ATP10D: variants seen among roughly 807,000 people sequenced by gnomAD.
ATP10D encodes ATPase phospholipid transporting 10D (putative).
Under a neutral mutation model 144.8 loss-of-function variants are expected in ATP10D, and 89 were observed. That is an observed-to-expected ratio of 0.61 (90% CI 0.52 to 0.73). The LOEUF (loss-of-function observed/expected upper bound fraction) is 0.73, where lower values mean the gene tolerates loss of function less well. ATP10D is among the 30% of genes least tolerant of loss of function. ATP10D has a pLI of 0.00. For synonymous variants in ATP10D, 571 were observed against 615.1 expected (o/e 0.93, Z 1.06); for missense variants, 1,603 against 1,714.8 (o/e 0.93, Z 1.15).
At chr4:47,577,177 T>A (rs1720282928) in intron 19 of ATP10D, among the ~76,000 whole-genome samples, 2 of 152,250 alleles carry the variant, frequency 1.3e-5, no homozygotes, top group Non-Finnish European at 2.9e-5. Context: ...CTTATGTACT[T>A]AGAAGAAGAA....
chr4:47,490,946 C>A, intron 1 of ATP10D: 3 of 493,286 alleles, frequency 6.1e-6, no homozygotes, highest in South Asian at 2.0e-5. Flanking sequence ...TTTTTTCAGT[C>A]AGAAGTCTTT....
chr4:47,570,206 G>T (rs1719877636), intron 16 of ATP10D, among the ~76,000 whole-genome samples: 2 of 152,128 alleles, frequency 1.3e-5, no homozygotes, highest in African/African-American at 4.8e-5. Context: ...GTTGGGACGT[G>T]GTCAGATGAA....
intron 21 of ATP10D, among the ~76,000 whole-genome samples, chr4:47,582,404 C>T (rs1034263379): frequency 6.6e-6 from 1 of 152,164 alleles, no homozygotes; most frequent in African/African-American, 2.4e-5. Context: ...GTATCATAAT[C>T]CTGGTACAGT....
chr4:47,542,107 A>ATATATATATATTTTTTTTTTTT (rs1577665179), intron 9 of ATP10D, among the ~76,000 whole-genome samples: 1 of 151,528 alleles, frequency 6.6e-6, no homozygotes, highest in African/African-American at 2.4e-5. Flanking sequence ...CATACAATAT[A>ATATATATATATTTTTTTTTTTT]TTTTTTTAAC....
intron 2 of ATP10D, among the ~76,000 whole-genome samples, chr4:47,513,058 T>C (rs947246131): frequency 1.3e-5 from 2 of 152,148 alleles, no homozygotes; most frequent in Non-Finnish European, 2.9e-5. Flanking sequence ...AATTCACATA[T>C]TATAGGTTAG....
chr4:47,566,055 C>T (rs905335754), intron 15 of ATP10D, among the ~76,000 whole-genome samples: 5 of 152,184 alleles, frequency 3.3e-5, no homozygotes, highest in African/African-American at 1.2e-4. Context: ...CCTCAGGAAT[C>T]ACTAAGAGTT....
chr4:47,584,808 C>G (rs1471627544), intron 21 of ATP10D, among the ~76,000 whole-genome samples: 1 of 152,128 alleles, frequency 6.6e-6, no homozygotes, highest in Non-Finnish European at 1.5e-5. Context: ...GATCTTAATC[C>G]AGGAGTTAGC....
intron 16 of ATP10D, 133 bp from the exon 17 acceptor site, chr4:47,572,021 C>A (rs759677982): frequency 1.3e-6 from 1 of 799,152 alleles, no homozygotes; most frequent in Admixed American, 2.2e-5. Flanking sequence ...TCACTTACTT[C>A]CAGGAAACTT....
chr4:47,515,356 A>G lies in ATP10D; in HGVS notation c.291-120A>G, dbSNP rs1414960020. 8 of 730,078 alleles carry G rather than the reference A, an allele frequency of 1.1e-5. No homozygotes were observed. In the Admixed American group the frequency reaches 2.2e-4, roughly 20 times the overall value. 45.2% of individuals were successfully genotyped at this position (730,078 alleles called of 1,614,324 possible). A position where few individuals can be genotyped will look rare whatever the true frequency, so the allele number is the denominator to read the frequency against. ...ATTCATTGTATTCTGCTAGTTCTAT[A>G]TTCTGTAACATACAAAATCTACTAA... On this transcript the variant is annotated intron_variant, in intron 2 of 22. Coordinates refer to ENST00000273859, the MANE Select transcript of ATP10D (RefSeq NM_020453.4).
chr4:47,572,236 T>C lies in ATP10D; in HGVS notation c.3240+6T>C, dbSNP rs761304270. 7 of 1,613,254 alleles carry C rather than the reference T, an allele frequency of 4.3e-6. No homozygotes were observed. In the East Asian group the frequency reaches 1.3e-4, roughly 31 times the overall value. ...CAGGTCAAGAAGGCATGCAGGTGAG[T>C]GGATATTGTGCACCCAAGTTCTGTG... On this transcript the variant is annotated splice_donor_region_variant and intron_variant, in intron 17 of 22. Transcript: ENST00000273859.
In ATP10D at chr4:47,510,579, G is replaced by C. The variant is rs145473264; in HGVS notation, c.-37-1925G>C. Among the ~76,000 whole-genome samples the C allele has an allele frequency of 8.5e-3, 1,294 of 152,218 alleles. 22 individuals carry two copies. The highest frequency in any genetic ancestry group is 0.037 in the Admixed American group (573 of 15,286). ...TTGGGGAAAGATGTAGTTCTTGTCT[G>C]GGTTGTGGAATAAAAAGCTGATTGT... On this transcript the variant is annotated intron_variant, in intron 1 of 22. Transcript: ENST00000273859.
chr4:47,493,364 A>G (rs1715186345), intron 1 of ATP10D, among the ~76,000 whole-genome samples: 1 of 152,212 alleles, frequency 6.6e-6, no homozygotes, highest in South Asian at 2.1e-4. Context: ...TTTAGTAGAA[A>G]CCATACTTCA....
chr4:47,575,205 G>T (rs1720165879), intron 18 of ATP10D, among the ~76,000 whole-genome samples: 1 of 152,090 alleles, frequency 6.6e-6, no homozygotes, highest in Admixed American at 6.5e-5. Context: ...ATAATTCAGG[G>T]TGGTTAGGGC....
intron 19 of ATP10D, among the ~76,000 whole-genome samples, chr4:47,577,839 G>A (rs1011932144): frequency 6.6e-6 from 1 of 152,118 alleles, no homozygotes; most frequent in African/African-American, 2.4e-5. Flanking sequence ...AAGGAGTCCA[G>A]TCTGACTTAA....
At chr4:47,539,824 A>G (rs1472723026) in intron 9 of ATP10D, among the ~76,000 whole-genome samples, 1 of 152,236 alleles carries the variant, frequency 6.6e-6, no homozygotes, top group Admixed American at 6.5e-5. Context: ...TTGTGTTCAT[A>G]ACATTTCAAA....
rs1338448408 is a variant in ATP10D at position 47,535,494 on chromosome 4, C to T, written c.777-15C>T. ...TGCTGTTTAAAAGTGAATTTATATG[C>T]TGTCTTTCTTATAGAGAACATTCCA... is the stretch of plus-strand genomic sequence containing the variant. On this transcript the variant is annotated splice_polypyrimidine_tract_variant and intron_variant, in intron 5 of 22. Coordinates refer to ENST00000273859, the MANE Select transcript of ATP10D (RefSeq NM_020453.4). 1 of 1,590,132 alleles carries T rather than the reference C, an allele frequency of 6.3e-7. No individual in the cohort carries two copies. Among genetic ancestry groups the T allele is most frequent in the South Asian group, 1.1e-5 (1 of 87,546 alleles).
At chr4:47,551,492 A>G (rs972578705) in intron 10 of ATP10D, among the ~76,000 whole-genome samples, 1 of 152,260 alleles carries the variant, frequency 6.6e-6, no homozygotes, top group Admixed American at 6.5e-5. Flanking sequence ...TTTTCCAAAG[A>G]GTGACATCTT....
intron 13 of ATP10D, 67 bp downstream of exon 13, chr4:47,559,096 C>A: frequency 7.9e-7 from 1 of 1,260,306 alleles, no homozygotes; most frequent in Admixed American, 1.8e-5. Context: ...TGACTGAAAA[C>A]CAGCGTGTAG....
intron 1 of ATP10D, among the ~76,000 whole-genome samples, chr4:47,503,618 C>T (rs1017990930): frequency 1.3e-5 from 2 of 152,072 alleles, no homozygotes; most frequent in East Asian, 1.9e-4. Context: ...CTTATAGGGC[C>T]GAGGGCAGTG....
Sources: allele counts gnomAD v4.1 joint callset (sites outside exome capture counted in the v4.1 genomes callset), GRCh38; gene constraint gnomAD v4.1.1; transcripts MANE v1.5; gene names NCBI Gene and HGNC (gene_info 2026-07-23, HGNC 2026-07-21).